ERC1: variants seen among roughly 807,000 people sequenced by gnomAD.
ERC1 encodes ELKS/RAB6-interacting/CAST family member 1.
Under a neutral mutation model 132.0 loss-of-function variants are expected in ERC1, and 56 were observed. The ratio of observed to expected loss-of-function variants is 0.42; its 90% confidence interval spans 0.34 to 0.53. The LOEUF (loss-of-function observed/expected upper bound fraction) is 0.53, where lower values mean the gene tolerates loss of function less well. Among genes scored for constraint, ERC1 ranks in the 20% least tolerant of loss-of-function variants. ERC1 has a pLI of 0.03. For synonymous variants in ERC1, 478 were observed against 476.1 expected (o/e 1.00, Z -0.05); for missense variants, 1,202 against 1,349.9 (o/e 0.89, Z 1.72).
At chr12:1,204,707 GAGT>G (rs1957202510) in intron 12 of ERC1, among the ~76,000 whole-genome samples, 1 of 152,162 alleles carries the variant, frequency 6.6e-6, no homozygotes, top group Non-Finnish European at 1.5e-5. Flanking sequence ...AAGGTAGTGT[GAGT>G]AGTCAGAGAG....
chr12:1,360,595 G>A (rs2085995824), intron 15 of ERC1, among the ~76,000 whole-genome samples: 2 of 152,136 alleles, frequency 1.3e-5, no homozygotes, highest in African/African-American at 4.8e-5. Context: ...AAGGGTATTT[G>A]TCATAATTCC....
chr12:1,075,450 T>C (rs1406381802), intron 2 of ERC1, among the ~76,000 whole-genome samples: 3 of 152,204 alleles, frequency 2.0e-5, no homozygotes, highest in African/African-American at 7.2e-5. Context: ...CCCAGCTCTT[T>C]GGGAGGCCGA....
chr12:1,480,073 A>G (rs528729888), intron 18 of ERC1, among the ~76,000 whole-genome samples: 87 of 148,264 alleles, frequency 5.9e-4, no homozygotes, highest in Middle Eastern at 7.1e-3. Flanking sequence ...TGGTTAAAGT[A>G]AGGTTTGGTG....
chr12:1,141,578 T>A (rs1949867337), intron 7 of ERC1, 42 bp from the exon 8 acceptor site: 1 of 1,525,258 alleles, frequency 6.6e-7, no homozygotes, highest in Non-Finnish European at 8.9e-7. Flanking sequence ...ATTACATTCT[T>A]TTCTTTTTAA....
intron 2 of ERC1, among the ~76,000 whole-genome samples, chr12:1,029,164 C>A (rs948451698): frequency 2.6e-5 from 4 of 151,920 alleles, no homozygotes; most frequent in African/African-American, 7.3e-5. Context: ...ACCAGCCTGG[C>A]GACGTGGTGA....
chr12:1,111,886 A>T (rs562174660), intron 5 of ERC1, among the ~76,000 whole-genome samples: 28 of 152,114 alleles, frequency 1.8e-4, no homozygotes, highest in Non-Finnish European at 1.9e-4. Context: ...GGATATAATC[A>T]TAGGTGTGAG....
At chr12:1,471,797 G>A (rs1336978581) in intron 18 of ERC1, among the ~76,000 whole-genome samples, 1 of 152,234 alleles carries the variant, frequency 6.6e-6, no homozygotes, top group Non-Finnish European at 1.5e-5. Flanking sequence ...CAGATTCCTT[G>A]TAAAGCTTTC....
At chr12:1,041,162 C>G (rs1001745772) in intron 2 of ERC1, among the ~76,000 whole-genome samples, 2 of 150,662 alleles carry the variant, frequency 1.3e-5, no homozygotes, top group African/African-American at 4.9e-5. Flanking sequence ...TAAATGTTAT[C>G]ATAAGTAACG....
At chr12:1,094,783 T>C (rs1048758053) in intron 3 of ERC1, among the ~76,000 whole-genome samples, 1 of 152,186 alleles carries the variant, frequency 6.6e-6, no homozygotes, top group Non-Finnish European at 1.5e-5. Flanking sequence ...CTGAGCACAC[T>C]ACTATTACCA....
At chr12:1,390,631 A>T (rs1254210565) in intron 16 of ERC1, 1 of 152,218 alleles carries the variant, frequency 6.6e-6, no homozygotes, top group Non-Finnish European at 1.5e-5. Flanking sequence ...CTGTCAGTTC[A>T]TCTCCCGGAG....
chr12:1,039,013 C>T (rs928126858), intron 2 of ERC1, among the ~76,000 whole-genome samples: 4 of 151,774 alleles, frequency 2.6e-5, no homozygotes, highest in South Asian at 2.1e-4. Flanking sequence ...AGACCAGCCT[C>T]GGCAAAATAG....
intron 7 of ERC1, among the ~76,000 whole-genome samples, chr12:1,119,511 TTGTGTGTGTGTGTGTG>T (rs1180385226): frequency 3.6e-5 from 5 of 138,844 alleles, no homozygotes; most frequent in African/African-American, 1.4e-4. Flanking sequence ...TACTTCTTCT[TTGTGTGTGTGTGTGTG>T]TGTGTGTGTG....
At chr12:1,179,940 A>G (rs1429654067) in intron 8 of ERC1, among the ~76,000 whole-genome samples, 1 of 152,234 alleles carries the variant, frequency 6.6e-6, no homozygotes, top group Non-Finnish European at 1.5e-5. Flanking sequence ...AAAAGATGAT[A>G]TAAGTAAATG....
intron 1 of ERC1, among the ~76,000 whole-genome samples, chr12:1,027,124 A>G (rs980614385): frequency 6.6e-6 from 1 of 152,168 alleles, no homozygotes; most frequent in Non-Finnish European, 1.5e-5. Flanking sequence ...GATTTACATC[A>G]AAGTACTTTT....
At chr12:1,319,330 C>T (rs1405027292) in intron 15 of ERC1, among the ~76,000 whole-genome samples, 1 of 151,878 alleles carries the variant, frequency 6.6e-6, no homozygotes, top group Non-Finnish European at 1.5e-5. Context: ...TAGTATTTAC[C>T]TCTGTTTGTT....
intron 17 of ERC1, among the ~76,000 whole-genome samples, chr12:1,439,685 A>G (rs2093047995): frequency 6.6e-6 from 1 of 150,814 alleles, no homozygotes; most frequent in African/African-American, 2.5e-5. Flanking sequence ...TGTACAACCA[A>G]TTTGGCCTGA....
chr12:1,466,889 C>T (rs901366176), intron 18 of ERC1, among the ~76,000 whole-genome samples: 15 of 152,210 alleles, frequency 9.9e-5, no homozygotes, highest in Admixed American at 6.5e-5. Flanking sequence ...TAAATGCTAT[C>T]TTCCTGCTTT....
rs115734380 is a variant in ERC1, at chr12:1,228,494, G to A, written c.2352-8275G>A. The stretch of plus-strand genomic sequence containing the variant: ...GTCATGTCATTTGCAAATAGAGACA[G>A]TTTATCTTGTATTTTCCAGTTTGTG... On this transcript the variant is annotated intron_variant, in intron 12 of 18. Transcript: ENST00000360905. 4.6e-3 allele frequency among the ~76,000 whole-genome samples: 694 copies of A among 152,268 alleles called. 5 individuals are homozygous for A. Among genetic ancestry groups the A allele is most frequent in the African/African-American group, 0.016 (652 of 41,548 alleles).
chr12:1,165,987 C>T (rs992876691), intron 8 of ERC1, among the ~76,000 whole-genome samples: 3 of 152,244 alleles, frequency 2.0e-5, no homozygotes, highest in South Asian at 4.1e-4. Flanking sequence ...TCCTTTTTGT[C>T]TCTATGGATT....
Sources: allele counts gnomAD v4.1 joint callset (sites outside exome capture counted in the v4.1 genomes callset), GRCh38; gene constraint gnomAD v4.1.1; transcripts MANE v1.5; gene names NCBI Gene and HGNC (gene_info 2026-07-23, HGNC 2026-07-21).